SNRNP48: variants seen among roughly 807,000 people sequenced by gnomAD.
The protein encoded by SNRNP48 is U11/U12 small nuclear ribonucleoprotein 48 kDa protein.
Under a neutral mutation model 47.0 loss-of-function variants are expected in SNRNP48, and 43 were observed. That is an observed-to-expected ratio of 0.92 (90% CI 0.72 to 1.18). The LOEUF (loss-of-function observed/expected upper bound fraction) is 1.18. SNRNP48 is among the 50% of genes most tolerant of loss of function. The pLI is 0.00. For synonymous variants in SNRNP48, 138 were observed against 144.0 expected, an observed-to-expected ratio of 0.96 and a Z score of 0.30; for missense variants, 396 against 422.2, an observed-to-expected ratio of 0.94 and a Z score of 0.54.
chr6:7,597,795 ATAGT>A (rs1379795091), intron 4 of SNRNP48, among the ~76,000 whole-genome samples: 2 of 151,978 alleles, frequency 1.3e-5, no homozygotes, highest in Non-Finnish European at 2.9e-5. Flanking sequence ...TATTATTTTG[ATAGT>A]TAAGAGGAAC....
Position 7,608,825 on chromosome 6 carries a change from G to A in SNRNP48, c.972G>A (p.Arg324=). 6 of 1,485,836 alleles carry A rather than the reference G, an allele frequency of 4.0e-6. No individual in the cohort carries two copies. The highest frequency in any genetic ancestry group is 3.9e-5 in the South Asian group (3 of 77,732). 92.0% of individuals were successfully genotyped at this position (1,485,836 alleles called of 1,614,324 possible). ...TTTTTTTATACCTCTTTTATTTCAG[G>A]GATGGGGAAAGACACCATAGTCATA... ...KNCESRRRKE[R]DGERHHSHKR... is the part of the protein sequence containing the mutation. Residue 324 remains arginine, a splice_region_variant and synonymous_variant, in exon 9 of 9, where the codon AGG becomes AGA. Coordinates refer to ENST00000342415, the MANE Select transcript of SNRNP48 (RefSeq NM_152551.4).
At chr6:7,598,511 A>AT (rs1232660908) in intron 4 of SNRNP48, among the ~76,000 whole-genome samples, 3 of 151,432 alleles carry the variant, frequency 2.0e-5, no homozygotes, top group African/African-American at 7.3e-5. Flanking sequence ...AGAAAAAAAA[A>AT]TTTTTTTTTA....
rs1174601141 is a variant in SNRNP48 at position 7,601,521 on chromosome 6, C to G, written c.592C>G (p.Gln198Glu). The G allele has an allele frequency of 6.4e-7, 1 of 1,574,476 alleles. No homozygotes were observed. The highest frequency in any genetic ancestry group is 1.2e-5 in the South Asian group (1 of 84,270). The change falls in exon 5 of 9, where the codon CAA becomes GAA. Residue 198 changes from glutamine to glutamate, a missense_variant. By Grantham distance (29) the Gln-to-Glu change is conservative. Coordinates refer to ENST00000342415, the MANE Select transcript of SNRNP48 (RefSeq NM_152551.4). ...TGTAGACTTGGCTGCCAAAATCAAT[C>G]AAGGTTTGAGATGCACATCATGGCT... ...LFVDLAAKINQDNSRKSPKSY... is the reference protein window; with the variant it reads ...LFVDLAAKINEDNSRKSPKSY...
At position 7,601,395 on chromosome 6, in the gene SNRNP48, C is replaced by G; in HGVS notation, c.466C>G (p.Leu156Val). 6.3e-7 allele frequency: 1 copy of G among 1,591,118 alleles called. No individual in the cohort carries two copies. Among genetic ancestry groups the G allele is most frequent in the Non-Finnish European group, 8.5e-7 (1 of 1,174,724 alleles). The change falls in exon 5 of 9, where the codon CTA becomes GTA. Residue 156 changes from leucine to valine, a missense_variant. Leu to Val is a conservative substitution (Grantham distance 32). Transcript: ENST00000342415. The part of the protein sequence containing the change: ...PLNHKRFVCD[L>V]TQADRLALYD... ...GAATCACAAACGGTTTGTTTGTGAT[C>G]TAACTCAAGCTGATCGTCTTGCCCT...
At chr6:7,608,681 G>T (rs2113725308) in intron 8 of SNRNP48, 144 bp from the exon 9 acceptor site, 2 of 395,998 alleles carry the variant, frequency 5.1e-6, no homozygotes, top group Middle Eastern at 5.7e-4. Context: ...ATATGTAAAT[G>T]ATAACCAGAA....
chr6:7,603,450 C>G (rs1386229538), intron 6 of SNRNP48, among the ~76,000 whole-genome samples: 1 of 152,166 alleles, frequency 6.6e-6, no homozygotes, highest in African/African-American at 2.4e-5. Flanking sequence ...TCTTACTTCT[C>G]TCTGATTTAA....
chr6:7,606,589 T>G (rs1399188940), intron 8 of SNRNP48, among the ~76,000 whole-genome samples: 1 of 152,188 alleles, frequency 6.6e-6, no homozygotes, highest in Admixed American at 6.5e-5. Context: ...CAAATAAGGG[T>G]ATGTAGGGTC....
intron 1 of SNRNP48, 106 bp downstream of exon 1, chr6:7,590,519 C>T (rs1286671367): frequency 1.0e-5 from 12 of 1,193,090 alleles, no homozygotes; most frequent in Non-Finnish European, 2.1e-6. Flanking sequence ...GCGAGGAGTC[C>T]TCGTCCGTGT....
chr6:7,606,776 AACTT>A (rs1333038117), intron 8 of SNRNP48, among the ~76,000 whole-genome samples: 4 of 152,052 alleles, frequency 2.6e-5, no homozygotes, highest in Non-Finnish European at 5.9e-5. Context: ...TCTAGAACTA[AACTT>A]ACCTTTTTCT....
chr6:7,595,154 C>T, intron 4 of SNRNP48, 53 bp downstream of exon 4: 1 of 1,421,458 alleles, frequency 7.0e-7, no homozygotes, highest in Non-Finnish European at 9.5e-7. Context: ...TTATTTTTCT[C>T]ATAAGCATGT....
At chr6:7,593,642 A>G (rs2113713729) in intron 1 of SNRNP48, 92 bp from the exon 2 acceptor site, 4 of 776,758 alleles carry the variant, frequency 5.1e-6, no homozygotes, top group Non-Finnish European at 8.0e-6. Context: ...ACTATACAGT[A>G]CTGGTACATA....
chr6:7,594,231 A>C lies in SNRNP48; in HGVS notation c.331+72A>C, dbSNP rs954452488. On this transcript the variant is annotated intron_variant, in intron 3 of 8. Transcript: ENST00000342415. ...TGATTTTTCATTTTTGCATTATGAA[A>C]AGAATGGATTGTATAAGCATGCTTA... 8.5e-6 allele frequency: 6 copies of C among 708,796 alleles called. No homozygotes were observed. In the African/African-American group the frequency reaches 1.1e-4, roughly 13 times the overall value. The allele number at this position is 708,796 out of a possible 1,614,324, so 43.9% of individuals were successfully genotyped here. A position where few individuals can be genotyped will look rare whatever the true frequency, so the allele number is the denominator to read the frequency against.
chr6:7,602,850 AG>A, intron 6 of SNRNP48, 106 bp downstream of exon 6: 1 of 1,067,534 alleles, frequency 9.4e-7, no homozygotes, highest in Non-Finnish European at 1.3e-6. Context: ...AAGTGTCTTC[AG>A]GGTGGCCACA....
Position 7,602,721 on chromosome 6 carries a change from A to T in SNRNP48, c.694A>T (p.Ile232Leu). The T allele has an allele frequency of 6.3e-7, 1 of 1,589,918 alleles. No individual in the cohort carries two copies. The highest frequency in any genetic ancestry group is 8.5e-7 in the Non-Finnish European group (1 of 1,171,188). Residue 232 changes from isoleucine (I) to leucine (L), a missense_variant, in exon 6 of 9, where the codon ATA (isoleucine) becomes TTA (leucine). Physicochemically the swap from Ile to Leu is conservative, Grantham distance 5 (BLOSUM62 2). Transcript: ENST00000342415. Reference protein sequence around the residue: ...RQSYRAKNVHITKKSYTEVIR... With the variant: ...RQSYRAKNVHLTKKSYTEVIR... ...GTCCTATAGAGCCAAGAATGTTCAC[A>T]TAACCAAGAAATCATATACTGAGGT...
chr6:7,605,342 G>C (rs899847477), intron 6 of SNRNP48, 56 bp from the exon 7 acceptor site: 36 of 1,361,352 alleles, frequency 2.6e-5, no homozygotes, highest in Non-Finnish European at 3.0e-5. Flanking sequence ...TAGCGTTACA[G>C]TCTTAATTTT....
At chr6:7,598,138 A>T (rs1759940976) in intron 4 of SNRNP48, among the ~76,000 whole-genome samples, 1 of 148,630 alleles carries the variant, frequency 6.7e-6, no homozygotes, top group Non-Finnish European at 1.5e-5. Context: ...AAGTGCTGGG[A>T]TTACAGGCGG....
At chr6:7,598,904 A>G (rs1231993314) in intron 4 of SNRNP48, among the ~76,000 whole-genome samples, 3 of 152,236 alleles carry the variant, frequency 2.0e-5, no homozygotes, top group Non-Finnish European at 2.9e-5. Flanking sequence ...TATTTCAATC[A>G]TAAACAATCA....
intron 3 of SNRNP48, 149 bp downstream of exon 3, chr6:7,594,308 G>T: frequency 2.3e-6 from 1 of 429,820 alleles, no homozygotes. Context: ...TAATGTACAA[G>T]GCAACTAATT....
At chr6:7,592,300 T>C (rs976308044) in intron 1 of SNRNP48, among the ~76,000 whole-genome samples, 2 of 150,484 alleles carry the variant, frequency 1.3e-5, no homozygotes, top group African/African-American at 4.9e-5. Flanking sequence ...GAGTGTAGAG[T>C]TAGAGTAGAA....
Sources: gnomAD v4.1 joint callset for allele counts (sites outside exome capture counted in the v4.1 genomes callset) on GRCh38, gnomAD v4.1.1 for gene constraint, MANE v1.5 for transcripts, NCBI Gene and HGNC (gene_info 2026-07-23, HGNC 2026-07-21) for gene names.